The following ARMH3 variants were observed in gnomAD, a reference collection of about 807,000 sequenced individuals.
ARMH3 encodes armadillo like helical domain containing 3, also known as armadillo-like helical domain-containing protein 3.
In ARMH3, 60 loss-of-function variants were observed where a neutral mutation model predicts 99.1. The ratio of observed to expected loss-of-function variants is 0.61; its 90% CI spans 0.49 to 0.75. ARMH3 has a LOEUF of 0.75. Ranked by LOEUF, ARMH3 falls within the 30% of genes least tolerant of loss-of-function variation. The pLI is 0.00. For missense variants in ARMH3, 679 were observed against 843.1 expected, an observed-to-expected ratio of 0.81 and a Z score of 2.41; for synonymous variants, 285 against 292.8, an observed-to-expected ratio of 0.97 and a Z score of 0.27.
At chr10:101,858,200 G>A (rs2135297749) in intron 24 of ARMH3, among the ~76,000 whole-genome samples, 1 of 152,338 alleles carries the variant, frequency 6.6e-6, no homozygotes, top group South Asian at 2.1e-4. Context: ...TCACTGTTGG[G>A]TCTAGTTGTA....
At chr10:101,950,423 T>C (rs767569547) in intron 22 of ARMH3, among the ~76,000 whole-genome samples, 35 of 152,244 alleles carry the variant, frequency 2.3e-4, no homozygotes, top group Non-Finnish European at 4.0e-4. Context: ...AAAGTTATCA[T>C]ATGACCCAGC....
intron 23 of ARMH3, among the ~76,000 whole-genome samples, chr10:101,933,217 TTTATG>T (rs1252719167): frequency 6.6e-6 from 1 of 152,070 alleles, no homozygotes; most frequent in South Asian, 2.1e-4. Context: ...AATGGTAAAT[TTTATG>T]TTATGTGTAT....
chr10:101,914,864 C>CAAAAA (rs373264871), intron 23 of ARMH3, among the ~76,000 whole-genome samples: 7 of 66,566 alleles, frequency 1.1e-4, no homozygotes, highest in Admixed American at 2.1e-4. Flanking sequence ...AAATCCATCT[C>CAAAAA]AAAAAAAAAA....
chr10:101,846,736 T>C lies in ARMH3; in HGVS notation c.*792A>G, dbSNP rs1589891452. The C allele has an allele frequency of 6.6e-6, 1 of 152,114 alleles. No homozygotes were observed. Among genetic ancestry groups the C allele is most frequent in the Non-Finnish European group, 1.5e-5 (1 of 68,044 alleles). 9.4% of individuals were successfully genotyped at this position (152,114 alleles called of 1,614,324 possible). A position where few individuals can be genotyped will look rare whatever the true frequency, so the allele number is the denominator to read the frequency against. On this transcript the variant is annotated 3_prime_UTR_variant, in exon 26 of 26. Transcript: ENST00000370033. Reference sequence around the variant, plus strand: ...CAGCACTTTGGGAGGCCAAGGTGGGTGGATCATGAACTCAGGATATTGAGA... The same window carrying C: ...CAGCACTTTGGGAGGCCAAGGTGGGCGGATCATGAACTCAGGATATTGAGA...
intron 14 of ARMH3, among the ~76,000 whole-genome samples, chr10:102,005,510 T>C (rs1447990139): frequency 6.6e-6 from 1 of 152,106 alleles, no homozygotes; most frequent in East Asian, 1.9e-4. Context: ...TTATACTGCC[T>C]GGAAATGTTA....
intron 1 of ARMH3, among the ~76,000 whole-genome samples, chr10:102,054,817 G>GA (rs1361151675): frequency 2.0e-5 from 3 of 152,018 alleles, no homozygotes; most frequent in Admixed American, 1.3e-4. Flanking sequence ...CCAACATGGC[G>GA]AAACCCTGTC....
At chr10:102,028,418 C>T (rs2067050111) in intron 5 of ARMH3, among the ~76,000 whole-genome samples, 1 of 152,130 alleles carries the variant, frequency 6.6e-6, no homozygotes, top group Non-Finnish European at 1.5e-5. Context: ...AGCATACATC[C>T]ATACAGAAAC....
At chr10:101,974,758 T>C (rs575550347) in intron 20 of ARMH3, among the ~76,000 whole-genome samples, 1 of 151,920 alleles carries the variant, frequency 6.6e-6, no homozygotes, top group African/African-American at 2.4e-5. Context: ...GATTCCCGCA[T>C]CTCCCCACCC....
At position 101,906,781 on chromosome 10, in the gene ARMH3, C is replaced by T. The variant is rs1031834337; in HGVS notation, c.1782-17291G>A. Among the ~76,000 whole-genome samples, 3 of 152,240 alleles carry T rather than the reference C, an allele frequency of 2.0e-5. 1 individual carries two copies. The highest frequency in any genetic ancestry group is 1.9e-4 in the East Asian group (1 of 5,194). ...TGTGGGACCTCTGGGTAGGGAATGACGTTCAAGAGGCAAGACCATGCTGGT... is the reference window on the plus strand; with the variant it reads ...TGTGGGACCTCTGGGTAGGGAATGATGTTCAAGAGGCAAGACCATGCTGGT... On this transcript the variant is annotated intron_variant, in intron 23 of 25. Coordinates refer to ENST00000370033, the MANE Select transcript of ARMH3 (RefSeq NM_024541.3).
At position 102,005,183 on chromosome 10, in the gene ARMH3, C is replaced by T. The variant is rs563271829; in HGVS notation, c.1048+1357G>A. 3.3e-5 allele frequency among the ~76,000 whole-genome samples: 5 copies of T among 151,732 alleles called. No individual in the cohort carries two copies. In the South Asian group the frequency reaches 6.2e-4, roughly 19 times the overall value. ...CTGCACTCCAGCCTAGGCAACAGTGCGAGACTCCGTCTCAAAAACAAATAA... is the reference window on the plus strand; with the variant it reads ...CTGCACTCCAGCCTAGGCAACAGTGTGAGACTCCGTCTCAAAAACAAATAA... On this transcript the variant is annotated intron_variant, in intron 14 of 25. Transcript: ENST00000370033.
intron 24 of ARMH3, among the ~76,000 whole-genome samples, chr10:101,873,619 C>T (rs941525880): frequency 7.9e-5 from 12 of 152,060 alleles, no homozygotes; most frequent in African/African-American, 2.2e-4. Flanking sequence ...AAAGAAATCC[C>T]GTACTCATTA....
chr10:102,044,824 A>G (rs2067507621), intron 1 of ARMH3, among the ~76,000 whole-genome samples: 1 of 152,152 alleles, frequency 6.6e-6, no homozygotes, highest in Admixed American at 6.5e-5. Context: ...GGAAGGGGAA[A>G]GAAGGAAAAT....
At chr10:102,028,718 T>A (rs2067056170) in intron 5 of ARMH3, among the ~76,000 whole-genome samples, 1 of 152,190 alleles carries the variant, frequency 6.6e-6, no homozygotes. Flanking sequence ...AGCAGATTAA[T>A]GCTTGCCAAG....
intron 22 of ARMH3, among the ~76,000 whole-genome samples, chr10:101,951,001 G>A (rs1454306474): frequency 6.6e-6 from 1 of 152,030 alleles, no homozygotes; most frequent in Non-Finnish European, 1.5e-5. Flanking sequence ...AAAAAGTAGT[G>A]TTTCTGCATA....
intron 23 of ARMH3, among the ~76,000 whole-genome samples, chr10:101,913,676 T>C (rs535098673): frequency 2.0e-5 from 3 of 152,192 alleles, no homozygotes; most frequent in Non-Finnish European, 1.5e-5. Flanking sequence ...CACATCAGTC[T>C]TGACCAGAGC....
chr10:101,937,085 CAACT>C (rs1324317838), intron 23 of ARMH3, among the ~76,000 whole-genome samples: 2 of 152,174 alleles, frequency 1.3e-5, no homozygotes, highest in African/African-American at 2.4e-5. Context: ...TAAGTTTTTC[CAACT>C]CAAATTTCCA....
intron 5 of ARMH3, among the ~76,000 whole-genome samples, chr10:102,026,824 G>A (rs553695686): frequency 6.6e-6 from 1 of 152,170 alleles, no homozygotes; most frequent in African/African-American, 2.4e-5. Flanking sequence ...ACACAGTTGT[G>A]GTGTCAGTGT....
chr10:101,885,803 C>T (rs943597616), intron 24 of ARMH3, among the ~76,000 whole-genome samples: 1 of 152,184 alleles, frequency 6.6e-6, no homozygotes, highest in Non-Finnish European at 1.5e-5. Flanking sequence ...CCTGTAATCC[C>T]AGCACTTTGG....
At chr10:101,953,964 G>A (rs950951991) in intron 22 of ARMH3, among the ~76,000 whole-genome samples, 1 of 152,114 alleles carries the variant, frequency 6.6e-6, no homozygotes, top group African/African-American at 2.4e-5. Context: ...GGCCGAGATG[G>A]GCAGGTTGCT....
Sources: gnomAD v4.1 joint callset for allele counts (sites outside exome capture counted in the v4.1 genomes callset) on GRCh38, gnomAD v4.1.1 for gene constraint, MANE v1.5 for transcripts, NCBI Gene and HGNC (gene_info 2026-07-23, HGNC 2026-07-21) for gene names.